Variants in HMGCLL1 observed in about 807,000 individuals in gnomAD.
HMGCLL1 encodes 3-hydroxy-3-methylglutaryl-CoA lyase like 1.
Under a neutral mutation model 39.1 loss-of-function variants are expected in HMGCLL1, and 36 were observed. The observed-to-expected ratio is 0.92, with a 90% confidence interval of 0.71 to 1.22. The LOEUF is 1.22. HMGCLL1 is among the 50% of genes most tolerant of loss of function. The probability of loss-of-function intolerance (pLI) is 0.00; values close to 1 mark genes in which losing one functional copy is unlikely to be tolerated. For synonymous variants in HMGCLL1, 149 were observed against 144.0 expected, an observed-to-expected ratio of 1.03 and a Z score of -0.25; for missense variants, 451 against 416.5, an observed-to-expected ratio of 1.08 and a Z score of -0.72.
At chr6:55,477,410 T>TA (rs552369808) in intron 7 of HMGCLL1, among the ~76,000 whole-genome samples, 651 of 28,030 alleles carry the variant, frequency 0.023, 98 homozygotes, top group African/African-American at 0.18. Context: ...ATTATCTAAA[T>TA]ATATATTATC....
the HMGCLL1 span, among the ~76,000 whole-genome samples, chr6:55,626,601 G>T: frequency 6.6e-6 from 1 of 152,058 alleles, no homozygotes; most frequent in Non-Finnish European, 1.5e-5. Flanking sequence ...GAATCAAGGG[G>T]TGGAAGTAGA....
chr6:55,547,192 G>A (rs1331516742), intron 1 of HMGCLL1, among the ~76,000 whole-genome samples: 1 of 151,910 alleles, frequency 6.6e-6, no homozygotes, highest in African/African-American at 2.4e-5. Context: ...AAATAATAAT[G>A]AATCATTCTT....
In HMGCLL1 at chr6:55,519,288, T is replaced by C. The variant is rs188608713; in HGVS notation, c.298-2685A>G. ...TCTCAGGTAATTGTGAGAATCCATC[T>C]TGTGACAAGTTCTGTGGTAGAAAAA... On this transcript the variant is annotated intron_variant, in intron 3 of 8. Transcript: ENST00000274901. Among the ~76,000 whole-genome samples, 15 of 151,502 alleles carry C rather than the reference T, an allele frequency of 9.9e-5. No homozygotes were observed. The East Asian group carries it at 2.6e-3, about 26-fold the overall frequency.
chr6:55,566,747 G>C (rs1204804900), intron 1 of HMGCLL1: 1 of 382,820 alleles, frequency 2.6e-6, no homozygotes, highest in Non-Finnish European at 5.3e-6. Flanking sequence ...CTTTACAACA[G>C]TAGCCAAGAA....
intron 3 of HMGCLL1, among the ~76,000 whole-genome samples, chr6:55,524,700 C>G (rs1246682681): frequency 6.6e-6 from 1 of 151,808 alleles, no homozygotes. Context: ...GAGACTGGCT[C>G]AAACTTTGCA....
At chr6:55,604,768 T>A in the HMGCLL1 span, among the ~76,000 whole-genome samples, 1 of 152,290 alleles carries the variant, frequency 6.6e-6, no homozygotes, top group East Asian at 1.9e-4. Flanking sequence ...GCTATGAAGA[T>A]TTTACTCTCT....
chr6:55,469,601 G>A (rs936203253), intron 7 of HMGCLL1, among the ~76,000 whole-genome samples: 2 of 151,122 alleles, frequency 1.3e-5, no homozygotes, highest in Non-Finnish European at 3.0e-5. Flanking sequence ...GAGAGTTAGC[G>A]AAGTCGAGAG....
intron 3 of HMGCLL1, among the ~76,000 whole-genome samples, chr6:55,526,362 A>T (rs989102375): frequency 1.3e-5 from 2 of 152,054 alleles, no homozygotes; most frequent in Non-Finnish European, 2.9e-5. Context: ...TGACATTCTC[A>T]ATAACCAACT....
At chr6:55,644,498 C>A in the HMGCLL1 span, among the ~76,000 whole-genome samples, 30 of 152,074 alleles carry the variant, frequency 2.0e-4, no homozygotes, top group Non-Finnish European at 3.7e-4. Flanking sequence ...GGAAATTCCC[C>A]AATGTTTTCT....
intron 5 of HMGCLL1, among the ~76,000 whole-genome samples, chr6:55,509,242 C>G (rs1273000713): frequency 6.6e-6 from 1 of 151,936 alleles, no homozygotes; most frequent in East Asian, 1.9e-4. Flanking sequence ...AAAGGAACTT[C>G]TGTGGGCAGC....
At chr6:55,507,054 TCTGA>T (rs1307896395) in intron 5 of HMGCLL1, among the ~76,000 whole-genome samples, 1 of 151,640 alleles carries the variant, frequency 6.6e-6, no homozygotes. Context: ...GAAAACATGT[TCTGA>T]CTGAGGACCA....
In HMGCLL1 at chr6:55,462,855, C is replaced by T. The variant is rs116175916; in HGVS notation, c.796-23296G>A. On this transcript the variant is annotated intron_variant, in intron 7 of 8. Coordinates refer to ENST00000274901, the MANE Select transcript of HMGCLL1 (RefSeq NM_001042406.2). Reference sequence around the variant, plus strand: ...TTCTCAGGAGTAGTTAACTGCAGAACGTGTAGACACAGCACTGACTCCATC... The same window carrying T: ...TTCTCAGGAGTAGTTAACTGCAGAATGTGTAGACACAGCACTGACTCCATC... 9.1e-3 allele frequency among the ~76,000 whole-genome samples: 1,388 copies of T among 152,136 alleles called. 24 individuals carry two copies. The highest frequency in any genetic ancestry group is 0.031 in the African/African-American group (1,296 of 41,526).
At chr6:55,501,690 C>T (rs1357217476) in intron 5 of HMGCLL1, among the ~76,000 whole-genome samples, 1 of 151,800 alleles carries the variant, frequency 6.6e-6, no homozygotes, top group Non-Finnish European at 1.5e-5. Context: ...TGTTCCAAAA[C>T]AATTAAACCA....
intron 5 of HMGCLL1, among the ~76,000 whole-genome samples, chr6:55,501,327 A>G (rs866305782): frequency 5.3e-5 from 8 of 152,060 alleles, no homozygotes; most frequent in African/African-American, 1.7e-4. Context: ...AAATTGTATT[A>G]GAATACAGCC....
At chr6:55,436,809 A>C (rs111364480) in intron 8 of HMGCLL1, among the ~76,000 whole-genome samples, 2,036 of 152,172 alleles carry the variant, frequency 0.013, 54 homozygotes, top group African/African-American at 0.046. Context: ...TAAGAATTAA[A>C]AATATTTTGT....
chr6:55,626,383 T>A, the HMGCLL1 span, among the ~76,000 whole-genome samples: 1 of 152,090 alleles, frequency 6.6e-6, no homozygotes, highest in African/African-American at 2.4e-5. Context: ...GCTCATGGAA[T>A]TCACTGATGT....
rs192574787 is a variant in HMGCLL1, at chr6:55,471,045, C to T, written c.795+24374G>A. Among the ~76,000 whole-genome samples, 3 of 150,600 alleles carry T rather than the reference C, an allele frequency of 2.0e-5. No individual in the cohort carries two copies. In the East Asian group the frequency reaches 5.8e-4, roughly 29 times the overall value. On this transcript the variant is annotated intron_variant, in intron 7 of 8. Coordinates refer to ENST00000274901, the MANE Select transcript of HMGCLL1 (RefSeq NM_001042406.2). ...CAGCATTACAATATTTTAGAATCTC[C>T]ATATAAGCCTGCCTTCATCGAATGA...
chr6:55,618,366 G>A, the HMGCLL1 span, among the ~76,000 whole-genome samples: 1 of 151,896 alleles, frequency 6.6e-6, no homozygotes, highest in East Asian at 1.9e-4. Context: ...TGAACAAATG[G>A]TGGCCTATAG....
chr6:55,443,150 T>C (rs1428704888), intron 7 of HMGCLL1, among the ~76,000 whole-genome samples: 3 of 151,930 alleles, frequency 2.0e-5, no homozygotes, highest in African/African-American at 7.3e-5. Context: ...TAAAGTAGAG[T>C]TTCTTATCTA....
Sources: gnomAD v4.1 joint callset for allele counts (sites outside exome capture counted in the v4.1 genomes callset) on GRCh38, gnomAD v4.1.1 for gene constraint, MANE v1.5 for transcripts, NCBI Gene and HGNC (gene_info 2026-07-23, HGNC 2026-07-21) for gene names.